PTPRD: variants seen among roughly 807,000 people sequenced by gnomAD.
PTPRD encodes receptor-type tyrosine-protein phosphatase delta.
In PTPRD, 34 loss-of-function variants were observed where a neutral mutation model predicts 214.5. The ratio of observed to expected loss-of-function variants is 0.16; its 90% CI spans 0.12 to 0.21. The LOEUF is 0.21. Among genes scored for constraint, PTPRD ranks in the 10% least tolerant of loss-of-function variants. PTPRD has a pLI of 1.00. For missense variants in PTPRD, 2,545 were observed against 2,398.7 expected (o/e 1.06, Z -1.27); for synonymous variants, 1,128 against 845.7 (o/e 1.33, Z -5.79).
intron 8 of PTPRD, among the ~76,000 whole-genome samples, chr9:9,489,398 G>C (rs1312470388): frequency 6.6e-6 from 1 of 151,972 alleles, no homozygotes; most frequent in African/African-American, 2.4e-5. Context: ...GGAACAAAGG[G>C]ACCATTCAAA....
Position 10,266,053 on chromosome 9 carries a change from C to T in PTPRD, c.-545+74910G>A, listed in dbSNP as rs1434287111. Reference sequence around the variant, plus strand: ...AGAAAAAATATAAATATAACTAAAACTTCACGCAATACCTTTTTCATGGCC... The same window carrying T: ...AGAAAAAATATAAATATAACTAAAATTTCACGCAATACCTTTTTCATGGCC... On this transcript the variant is annotated intron_variant, in intron 3 of 45. Transcript: ENST00000381196. Among the ~76,000 whole-genome samples the T allele has an allele frequency of 7.9e-5, 12 of 152,152 alleles. No homozygotes were observed. The South Asian group carries it at 2.5e-3, about 32-fold the overall frequency.
At chr9:8,766,384 G>T (rs943950514) in intron 11 of PTPRD, among the ~76,000 whole-genome samples, 16 of 152,006 alleles carry the variant, frequency 1.1e-4, no homozygotes, top group African/African-American at 3.9e-4. Context: ...CCCTGAGATG[G>T]GACGGCATAT....
intron 11 of PTPRD, among the ~76,000 whole-genome samples, chr9:8,923,871 G>A (rs2098845371): frequency 6.6e-6 from 1 of 152,132 alleles, no homozygotes; most frequent in African/African-American, 2.4e-5. Flanking sequence ...TTTAAGCTCT[G>A]CCTTTTTGAG....
intron 4 of PTPRD, among the ~76,000 whole-genome samples, chr9:9,998,146 A>ATATATATAT (rs1566998658): frequency 1.5e-5 from 2 of 137,764 alleles, no homozygotes; most frequent in African/African-American, 5.6e-5. Context: ...ATATATATAT[A>ATATATATAT]AAAGAAGAAG....
rs1434229506 is a variant in PTPRD, at chr9:8,632,797, T to A, written c.352+520A>T. 2.0e-5 allele frequency among the ~76,000 whole-genome samples: 3 copies of A among 152,112 alleles called. No homozygotes were observed. The East Asian group carries it at 5.8e-4, about 29-fold the overall frequency. Reference sequence around the variant, plus strand: ...GTTATTTAGATCAATACATATTGGTTTAAGAAAGATAACAGACAAATAAAA... The same window carrying A: ...GTTATTTAGATCAATACATATTGGTATAAGAAAGATAACAGACAAATAAAA... On this transcript the variant is annotated intron_variant, in intron 14 of 45. Coordinates refer to ENST00000381196, the MANE Select transcript of PTPRD (RefSeq NM_002839.4).
intron 2 of PTPRD, among the ~76,000 whole-genome samples, chr9:10,441,585 T>G (rs927077074): frequency 6.6e-6 from 1 of 151,606 alleles, no homozygotes; most frequent in East Asian, 1.9e-4. Context: ...ATATCTCAAC[T>G]TATCCTTATT....
chr9:9,172,240 G>C (rs1365156227), intron 10 of PTPRD, among the ~76,000 whole-genome samples: 1 of 152,040 alleles, frequency 6.6e-6, no homozygotes, highest in Non-Finnish European at 1.5e-5. Context: ...ATGAATATTT[G>C]TCAAAAAAGG....
intron 7 of PTPRD, among the ~76,000 whole-genome samples, chr9:9,702,955 A>G (rs1234739935): frequency 6.6e-6 from 1 of 152,138 alleles, no homozygotes; most frequent in Non-Finnish European, 1.5e-5. Context: ...CAGAAAGCCA[A>G]TCTAATACTA....
chr9:8,794,749 A>C (rs73427067), intron 11 of PTPRD, among the ~76,000 whole-genome samples: 1,582 of 152,208 alleles, frequency 0.01, 38 homozygotes, highest in African/African-American at 0.035. Context: ...CTTGCCTCAG[A>C]GGAACTTAAC....
At chr9:10,223,983 T>C (rs966363481) in intron 3 of PTPRD, among the ~76,000 whole-genome samples, 1 of 151,646 alleles carries the variant, frequency 6.6e-6, no homozygotes, top group East Asian at 1.9e-4. Context: ...CTATATAATA[T>C]AGCATATGAT....
chr9:10,366,172 T>C (rs981680896), intron 2 of PTPRD, among the ~76,000 whole-genome samples: 4 of 152,340 alleles, frequency 2.6e-5, no homozygotes, highest in Admixed American at 6.5e-5. Flanking sequence ...TGCTGATATA[T>C]GGCTCTGCGA....
At chr9:8,878,583 G>A (rs1009326846) in intron 11 of PTPRD, among the ~76,000 whole-genome samples, 1 of 151,758 alleles carries the variant, frequency 6.6e-6, no homozygotes, top group African/African-American at 2.4e-5. Flanking sequence ...CTCGAGTGCA[G>A]CAGTGTGATC....
intron 9 of PTPRD, among the ~76,000 whole-genome samples, chr9:9,336,387 G>T (rs1490848677): frequency 1.3e-5 from 2 of 152,098 alleles, no homozygotes; most frequent in Non-Finnish European, 2.9e-5. Context: ...TTCCTAAATA[G>T]AAACTGAATC....
At chr9:9,254,763 T>G (rs2099976988) in intron 9 of PTPRD, among the ~76,000 whole-genome samples, 1 of 152,064 alleles carries the variant, frequency 6.6e-6, no homozygotes, top group African/African-American at 2.4e-5. Context: ...TTAAACGGTA[T>G]TTTAAAACCC....
At chr9:10,447,872 G>C (rs1225463138) in intron 2 of PTPRD, among the ~76,000 whole-genome samples, 1 of 151,980 alleles carries the variant, frequency 6.6e-6, no homozygotes, top group African/African-American at 2.4e-5. Flanking sequence ...AGGATACTCA[G>C]AATTCACATT....
At chr9:8,818,689 G>C (rs1453444518) in intron 11 of PTPRD, among the ~76,000 whole-genome samples, 1 of 152,190 alleles carries the variant, frequency 6.6e-6, no homozygotes, top group Non-Finnish European at 1.5e-5. Context: ...CAAATACTTA[G>C]ATGTGCTTCT....
At chr9:8,803,231 G>A (rs561726522) in intron 11 of PTPRD, among the ~76,000 whole-genome samples, 8 of 152,104 alleles carry the variant, frequency 5.3e-5, no homozygotes, top group African/African-American at 1.7e-4. Flanking sequence ...GAAAGTGTTT[G>A]TGAAAAAAAG....
intron 9 of PTPRD, among the ~76,000 whole-genome samples, chr9:9,296,960 G>A (rs1471698372): frequency 2.0e-5 from 3 of 151,680 alleles, no homozygotes; most frequent in South Asian, 2.1e-4. Context: ...TGAAATCTGG[G>A]GCAGTCTATA....
intron 5 of PTPRD, among the ~76,000 whole-genome samples, chr9:9,897,401 T>C (rs2075295821): frequency 6.6e-6 from 1 of 152,110 alleles, no homozygotes. Context: ...ATTAGGATTT[T>C]TGTAAGTAAA....
Sources: allele counts gnomAD v4.1 joint callset (sites outside exome capture counted in the v4.1 genomes callset), GRCh38; gene constraint gnomAD v4.1.1; transcripts MANE v1.5; gene names NCBI Gene and HGNC (gene_info 2026-07-23, HGNC 2026-07-21).